The following RIF1 variants were observed in gnomAD, a reference collection of about 807,000 sequenced individuals.
RIF1 encodes the protein telomere-associated protein RIF1.
A neutral mutation model predicts 247.1 loss-of-function variants in RIF1; 45 were observed. That is an observed-to-expected ratio of 0.18 (90% CI 0.14 to 0.23). The LOEUF (loss-of-function observed/expected upper bound fraction) is 0.23. Ranked by LOEUF, RIF1 falls within the 10% of genes least tolerant of loss-of-function variation. The probability of loss-of-function intolerance (pLI) is 1.00; values close to 1 mark genes in which losing one functional copy is unlikely to be tolerated. For missense variants in RIF1, 2,967 were observed against 2,862.5 expected (o/e 1.04, Z -0.83); for synonymous variants, 1,087 against 978.8 (o/e 1.11, Z -2.06).
intron 10 of RIF1, chr2:151,497,278 G>A: frequency 1.1e-6 from 1 of 919,380 alleles, no homozygotes; most frequent in African/African-American, 1.8e-5. Context: ...AGTTATCCAT[G>A]TTATTTTTTT....
intron 30 of RIF1, 135 bp from the exon 31 acceptor site, chr2:151,467,865 T>G: frequency 1.4e-6 from 1 of 698,286 alleles, no homozygotes. Context: ...CGCTAGGAAC[T>G]GTGCAGCTGA....
In RIF1 at chr2:151,454,951, A is replaced by T; in HGVS notation, c.2401A>T (p.Thr801Ser). 1 of 1,612,844 alleles carries T rather than the reference A, an allele frequency of 6.2e-7. No individual in the cohort carries two copies. The highest frequency in any genetic ancestry group is 8.5e-7 in the Non-Finnish European group (1 of 1,179,230). The change falls in exon 22 of 36, where the codon ACT (threonine) becomes TCT (serine). Residue 801 changes from threonine to serine, a missense_variant. Physicochemically the swap from Thr to Ser is moderately conservative, Grantham distance 58. This residue lies in a region of RIF1 where 2,028 missense variants were observed against 1,825.6 expected (regional missense o/e 1.11). Coordinates refer to ENST00000444746, the MANE Select transcript of RIF1 (RefSeq NM_018151.5). ...KKKNEPLGKL[T>S]SLFKLIVKVI... ...GAAGAATGAGCCCCTAGGGAAATTG[A>T]CTTCTTTATTTAAACTTATTGTGAA... is the stretch of plus-strand genomic sequence containing the variant.
chr2:151,497,653 G>A, intron 10 of RIF1: 1 of 1,582,624 alleles, frequency 6.3e-7, no homozygotes, highest in Non-Finnish European at 8.6e-7. Context: ...GATTGTGTTT[G>A]ACTCTTTCCA....
chr2:151,451,716 ATT>A lies in RIF1; in HGVS notation c.2344+16_2344+17del. 7.6e-7 allele frequency: 1 copy of A among 1,308,890 alleles called. No homozygotes were observed. Among genetic ancestry groups the A allele is most frequent in the Non-Finnish European group, 1.1e-6 (1 of 905,544 alleles). 81.1% of individuals were successfully genotyped at this position (1,308,890 alleles called of 1,614,324 possible). A position where few individuals can be genotyped will look rare whatever the true frequency, so the allele number is the denominator to read the frequency against. On this transcript the variant is annotated intron_variant, in intron 21 of 35. Coordinates refer to ENST00000444746, the MANE Select transcript of RIF1 (RefSeq NM_018151.5). Reference sequence around the variant, plus strand: ...AGCCCAAAGTTAAATGTAAGTATGTATTTTTTAACCTTTGTTTGTCCAGTATT... The same window carrying A: ...AGCCCAAAGTTAAATGTAAGTATGTATTTTAACCTTTGTTTGTCCAGTATT...
In RIF1 at chr2:151,446,548, G is replaced by A. The variant is rs1047311309; in HGVS notation, c.2217G>A (p.Met739Ile). Residue 739 changes from methionine (M) to isoleucine (I), a missense_variant, in exon 20 of 36, where the codon ATG (methionine) becomes ATA (isoleucine). Physicochemically the swap from Met to Ile is conservative, Grantham distance 10 (BLOSUM62 1). Coordinates refer to ENST00000444746, the MANE Select transcript of RIF1 (RefSeq NM_018151.5). ...LCCEELSSKI[M>I]SSLEDEGFSN... is the part of the protein sequence containing the mutation. Reference sequence around the variant, plus strand: ...GTGAGGAACTTTCTTCCAAGATAATGTCCAGTTTGGAAGATGAAGGCTTTT... The same window carrying A: ...GTGAGGAACTTTCTTCCAAGATAATATCCAGTTTGGAAGATGAAGGCTTTT... The A allele has an allele frequency of 6.2e-7, 1 of 1,612,866 alleles. No homozygotes were observed. Among genetic ancestry groups the A allele is most frequent in the Non-Finnish European group, 8.5e-7 (1 of 1,179,824 alleles).
intron 9 of RIF1, 140 bp from the exon 10 acceptor site, chr2:151,432,937 A>G: frequency 1.7e-6 from 1 of 584,770 alleles, no homozygotes; most frequent in Non-Finnish European, 2.8e-6. Flanking sequence ...GGGTAGAGCA[A>G]GGACAGCCTG....
At chr2:151,493,473 A>G in intron 9 of RIF1, 2 of 1,459,306 alleles carry the variant, frequency 1.4e-6, no homozygotes, top group Non-Finnish European at 1.9e-6. Context: ...GCATCTAGGC[A>G]TCAGACAGCA....
chr2:151,417,303 C>T lies in RIF1; in HGVS notation c.503+402C>T, dbSNP rs148937904. Among the ~76,000 whole-genome samples the T allele has an allele frequency of 2.5e-3, 385 of 152,254 alleles. 9 individuals carry two copies. The East Asian group carries it at 0.046, about 18-fold the overall frequency. ...ATTTTTGTTGTAACAGGCATGCCAA[C>T]GCATAAACTCTTTTAAGTGTAAACT... On this transcript the variant is annotated intron_variant, in intron 6 of 35. Coordinates refer to ENST00000444746, the MANE Select transcript of RIF1 (RefSeq NM_018151.5).
intron 21 of RIF1, 62 bp downstream of exon 21, chr2:151,451,767 C>T (rs1694355969): frequency 1.2e-6 from 1 of 853,856 alleles, no homozygotes; most frequent in Non-Finnish European, 2.0e-6. Flanking sequence ...TGAACTTTGC[C>T]AGGGGAAGTC....
At chr2:151,524,739 T>C in the RIF1 span, 1 of 740,530 alleles carries the variant, frequency 1.4e-6, no homozygotes, top group Non-Finnish European at 2.1e-6. Flanking sequence ...CAATCTCAGC[T>C]CACTGCAACT....
Position 151,482,018 on chromosome 2 carries a change from C to T in RIF1, c.*6947C>T, listed in dbSNP as rs2049188816. ...AGTTACTATTTCTGGTTCTTTATGA[C>T]TGTTGAGGGGGGGCAGAATTCTATG... is the stretch of plus-strand genomic sequence containing the variant. On this transcript the variant is annotated 3_prime_UTR_variant, in exon 36 of 36. Transcript: ENST00000444746. The T allele has an allele frequency of 1.1e-5, 1 of 87,290 alleles. No homozygotes were observed. Among genetic ancestry groups the T allele is most frequent in the Admixed American group, 1.4e-4 (1 of 7,070 alleles). 5.4% of individuals were successfully genotyped at this position (87,290 alleles called of 1,614,324 possible). A position where few individuals can be genotyped will look rare whatever the true frequency, so the allele number is the denominator to read the frequency against.
the RIF1 span, among the ~76,000 whole-genome samples, chr2:151,520,636 G>A: frequency 2.0e-5 from 3 of 152,138 alleles, no homozygotes; most frequent in East Asian, 5.8e-4. Flanking sequence ...AGGCCAAGGT[G>A]GGTGAATTAC....
chr2:151,495,067 A>T (rs2059318051), intron 9 of RIF1: 1 of 152,276 alleles, frequency 6.6e-6, no homozygotes, highest in Non-Finnish European at 1.5e-5. Context: ...TTTCTTTGCT[A>T]TCCTCTATGC....
chr2:151,465,104 G>A lies in RIF1; in HGVS notation c.5584G>A (p.Val1862Ile), dbSNP rs2444258. Residue 1862 changes from valine to isoleucine, a missense_variant, in exon 30 of 36, where the codon GTT becomes ATT. Val to Ile is a conservative substitution (Grantham distance 29). This residue lies in a region of RIF1 where 2,028 missense variants were observed against 1,825.6 expected (regional missense o/e 1.11). Coordinates refer to ENST00000444746, the MANE Select transcript of RIF1 (RefSeq NM_018151.5). ...QESPNENFKT[V>I]GPCLGDSKNV... ...GTCACCTAATGAAAATTTTAAAACT[G>A]TTGGCCCGTGTTTAGGAGACTCGAA... 0.012 allele frequency: 19,696 copies of A among 1,608,386 alleles called. 2,089 individuals carry two copies. The African/African-American group carries it at 0.23, about 19-fold the overall frequency.
downstream of RIF1, among the ~76,000 whole-genome samples, chr2:151,509,507 GAGAA>G (rs1461730699): frequency 6.6e-6 from 1 of 152,204 alleles, no homozygotes; most frequent in Non-Finnish European, 1.5e-5. Flanking sequence ...TGTATTCTGG[GAGAA>G]AGGGACCTGA....
chr2:151,477,417 ATCTT>A lies in RIF1; in HGVS notation c.*2348_*2351del. On this transcript the variant is annotated 3_prime_UTR_variant, in exon 36 of 36. Coordinates refer to ENST00000444746, the MANE Select transcript of RIF1 (RefSeq NM_018151.5). ...GTGGCATACAGGATTGTCATGTAGT[ATCTT>A]TTTTTTTTTTTGAGACACAGTCTTG... 6.6e-6 allele frequency: 1 copy of A among 151,684 alleles called. No homozygotes were observed. The highest frequency in any genetic ancestry group is 6.6e-5 in the Admixed American group (1 of 15,208). The allele number at this position is 151,684 out of a possible 1,614,324, so 9.4% of individuals were successfully genotyped here. A position where few individuals can be genotyped will look rare whatever the true frequency, so the allele number is the denominator to read the frequency against.
chr2:151,461,947 C>T (rs1696244916), intron 27 of RIF1, among the ~76,000 whole-genome samples: 1 of 152,146 alleles, frequency 6.6e-6, no homozygotes, highest in African/African-American at 2.4e-5. Context: ...GATCTCTGCT[C>T]ACTGCAGTCT....
chr2:151,415,982 A>G (rs1174770783), intron 4 of RIF1, among the ~76,000 whole-genome samples: 1 of 152,248 alleles, frequency 6.6e-6, no homozygotes, highest in South Asian at 2.1e-4. Context: ...GTTCTTTGAC[A>G]TGATAAATGT....
At chr2:151,417,053 G>A in intron 6 of RIF1, 152 bp downstream of exon 6, 1 of 610,146 alleles carries the variant, frequency 1.6e-6, no homozygotes, top group South Asian at 2.2e-5. Context: ...ATAGAAAAAA[G>A]ATGGAAGTAG....
Sources: allele counts gnomAD v4.1 joint callset (sites outside exome capture counted in the v4.1 genomes callset), GRCh38; gene constraint gnomAD v4.1.1; regional missense constraint gnomAD v4.1.1; transcripts MANE v1.5; gene names NCBI Gene and HGNC (gene_info 2026-07-23, HGNC 2026-07-21).